Variants in MISFA observed in about 807,000 individuals in gnomAD.
MISFA encodes the protein mitochondrial sheath formation associated.
At chr11:18,609,111 A>G in the MISFA span, 1 of 152,250 alleles carries the variant, frequency 6.6e-6, no homozygotes, top group East Asian at 1.9e-4. Flanking sequence ...ATAAAAATCA[A>G]TCAGCACAGT....
chr11:18,605,725 C>A, the MISFA span, among the ~76,000 whole-genome samples: 1 of 152,144 alleles, frequency 6.6e-6, no homozygotes, highest in Non-Finnish European at 1.5e-5. Context: ...CAGTCTCGTT[C>A]TGTCACCCAG....
chr11:18,606,171 A>C, the MISFA span, among the ~76,000 whole-genome samples: 1 of 152,204 alleles, frequency 6.6e-6, no homozygotes, highest in Non-Finnish European at 1.5e-5. Flanking sequence ...TTCTCCCAAC[A>C]TGGGTCAGAG....
chr11:18,603,998 C>T, the MISFA span: 1 of 293,292 alleles, frequency 3.4e-6, no homozygotes, highest in African/African-American at 2.4e-5. Context: ...GCGATCTCGG[C>T]TCACTGCAAG....
At chr11:18,601,529 T>C in the MISFA span, 1 of 397,900 alleles carries the variant, frequency 2.5e-6, no homozygotes, top group East Asian at 3.6e-5. Flanking sequence ...CCATCTCAGC[T>C]TCTTGGGTAG....
At chr11:18,603,569 A>T in the MISFA span, among the ~76,000 whole-genome samples, 7 of 152,296 alleles carry the variant, frequency 4.6e-5, no homozygotes, top group African/African-American at 1.7e-4. Flanking sequence ...CTCCTGCTAG[A>T]CCTTGGAATT....
the MISFA span, among the ~76,000 whole-genome samples, chr11:18,603,566 T>G: frequency 6.6e-6 from 1 of 152,246 alleles, no homozygotes; most frequent in African/African-American, 2.4e-5. Flanking sequence ...CTCCTCCTGC[T>G]AGACCTTGGA....
the MISFA span, chr11:18,609,435 TA>T: frequency 6.2e-6 from 1 of 161,684 alleles, no homozygotes; most frequent in Non-Finnish European, 1.4e-5. Flanking sequence ...AGGTTTCTCA[TA>T]AAAAGACTAA....
At chr11:18,607,294 A>T in the MISFA span, 1 of 152,882 alleles carries the variant, frequency 6.5e-6, no homozygotes, top group African/African-American at 2.4e-5. Context: ...CAAAGTTCTG[A>T]AAGTAGCCTT....
the MISFA span, chr11:18,601,109 G>T: frequency 2.5e-6 from 1 of 398,748 alleles, no homozygotes; most frequent in Non-Finnish European, 4.4e-6. Flanking sequence ...CTCTGAAGTG[G>T]CAGGAGAGGT....
the MISFA span, among the ~76,000 whole-genome samples, chr11:18,600,851 C>A: frequency 6.6e-6 from 1 of 151,944 alleles, no homozygotes; most frequent in African/African-American, 2.4e-5. Context: ...TTTTGTTTCC[C>A]CCTCCCTTGC....
the MISFA span, chr11:18,601,470 A>C: frequency 2.6e-6 from 1 of 383,970 alleles, no homozygotes; most frequent in East Asian, 3.6e-5. Context: ...TTTTTCTGAA[A>C]CAGGTCTTGC....
chr11:18,604,483 C>T, the MISFA span, among the ~76,000 whole-genome samples: 1 of 151,806 alleles, frequency 6.6e-6, no homozygotes, highest in Non-Finnish European at 1.5e-5. Context: ...TGGTGAAACC[C>T]CGTCTCTACT....
the MISFA span, chr11:18,601,596 G>C: frequency 2.5e-6 from 1 of 397,824 alleles, no homozygotes; most frequent in Non-Finnish European, 4.4e-6. Context: ...TTTTTTTAGA[G>C]ACAAGGTGTC....
At chr11:18,605,970 G>A in the MISFA span, among the ~76,000 whole-genome samples, 25 of 152,258 alleles carry the variant, frequency 1.6e-4, no homozygotes, top group South Asian at 1.2e-3. Context: ...GAGCCACTGT[G>A]CCCAGCCTGC....
At chr11:18,602,760 G>A in the MISFA span, 3 of 194,838 alleles carry the variant, frequency 1.5e-5, no homozygotes, top group Non-Finnish European at 3.1e-5. Context: ...CAGGTGACGA[G>A]TTAATGAGTA....
the MISFA span, chr11:18,600,082 A>G: frequency 2.5e-6 from 1 of 398,766 alleles, no homozygotes; most frequent in Non-Finnish European, 4.4e-6. Flanking sequence ...ACCAAATGGG[A>G]AAGATAGTTG....
chr11:18,602,839 C>T, the MISFA span: 1 of 304,424 alleles, frequency 3.3e-6, no homozygotes, highest in Non-Finnish European at 6.0e-6. Context: ...TTTCTTTAAC[C>T]CAACGCATCT....
At chr11:18,604,593 A>G in the MISFA span, among the ~76,000 whole-genome samples, 1 of 151,478 alleles carries the variant, frequency 6.6e-6, no homozygotes, top group Non-Finnish European at 1.5e-5. Context: ...CGGCCACTGC[A>G]CTCCAGCCTG....
chr11:18,609,617 T>C, the MISFA span: 1 of 505,488 alleles, frequency 2.0e-6, no homozygotes, highest in African/African-American at 1.9e-5. Context: ...AAGGCTGGCA[T>C]CTGTGAACAG....
Sources: allele counts gnomAD v4.1 joint callset (sites outside exome capture counted in the v4.1 genomes callset), GRCh38; gene constraint gnomAD v4.1.1; transcripts MANE v1.5; gene names NCBI Gene and HGNC (gene_info 2026-07-23, HGNC 2026-07-21).